NDEL1: variants seen among roughly 807,000 people sequenced by gnomAD.
NDEL1 encodes nuclear distribution protein nudE-like 1.
Under a neutral mutation model 45.7 loss-of-function variants are expected in NDEL1, and 9 were observed. The ratio of observed to expected loss-of-function variants is 0.20; its 90% confidence interval spans 0.12 to 0.34. The LOEUF (loss-of-function observed/expected upper bound fraction) is 0.34, where lower values mean the gene tolerates loss of function less well. Among genes scored for constraint, NDEL1 ranks in the 10% least tolerant of loss-of-function variants. NDEL1 has a pLI of 1.00. For synonymous variants in NDEL1, 133 were observed against 158.6 expected, an observed-to-expected ratio of 0.84 and a Z score of 1.21; for missense variants, 306 against 406.2, an observed-to-expected ratio of 0.75 and a Z score of 2.12.
Position 8,467,362 on chromosome 17 carries a change from C to T in NDEL1, c.*339C>T. The T allele has an allele frequency of 2.1e-6, 1 of 475,312 alleles. No homozygotes were observed. The highest frequency in any genetic ancestry group is 3.7e-6 in the Non-Finnish European group (1 of 271,832). 29.4% of individuals were successfully genotyped at this position (475,312 alleles called of 1,614,324 possible). A position where few individuals can be genotyped will look rare whatever the true frequency, so the allele number is the denominator to read the frequency against. On this transcript the variant is annotated 3_prime_UTR_variant, in exon 9 of 9. Transcript: ENST00000334527. The surrounding 1 kb of genome is among the most constrained non-coding windows in gnomAD (Gnocchi z 6.3). ...GCCCCATAGCCCCCACTCTGCTGTACTGATAGGATTTAGTTGTGTTTTAGG... is the reference window on the plus strand; with the variant it reads ...GCCCCATAGCCCCCACTCTGCTGTATTGATAGGATTTAGTTGTGTTTTAGG...
chr17:8,448,630 T>G lies in NDEL1; in HGVS notation c.470T>G (p.Leu157Arg). 6.2e-7 allele frequency: 1 copy of G among 1,614,204 alleles called. No individual in the cohort carries two copies. The highest frequency in any genetic ancestry group is 8.5e-7 in the Non-Finnish European group (1 of 1,180,018). ...CGAAATGCATTTTTAGAAAGTGAAC[T>G]TGATGAAAAGGAATCTTTGTTGGTC... is the stretch of plus-strand genomic sequence containing the variant. ...IERNAFLESE[L>R]DEKESLLVSV... Residue 157 changes from leucine (L) to arginine (R), a missense_variant, in exon 5 of 9, where the codon CTT becomes CGT. Leu to Arg is a moderately radical substitution (Grantham distance 102). This residue lies in a region of NDEL1 where 19 missense variants were observed against 52.7 expected (regional missense o/e 0.36). Coordinates refer to ENST00000334527, the MANE Select transcript of NDEL1 (RefSeq NM_030808.5).
chr17:8,428,431 C>T (rs1908903444), intron 1 of NDEL1, among the ~76,000 whole-genome samples: 1 of 147,626 alleles, frequency 6.8e-6, no homozygotes, highest in African/African-American at 2.5e-5. Flanking sequence ...GTGGTGTGAC[C>T]TTGGCTCACT....
At position 8,435,900 on chromosome 17, in the gene NDEL1, G is replaced by A. The variant is rs1283884807; in HGVS notation, c.-158G>A. The A allele has an allele frequency of 1.1e-5, 5 of 448,130 alleles. No individual in the cohort carries two copies. Among genetic ancestry groups the A allele is most frequent in the Non-Finnish European group, 1.8e-5 (4 of 223,542 alleles). The allele number at this position is 448,130 out of a possible 1,614,324, so 27.8% of individuals were successfully genotyped here. A position where few individuals can be genotyped will look rare whatever the true frequency, so the allele number is the denominator to read the frequency against. ...CACCCAGGCAGTCCCTGACGTGTCG[G>A]GGAGGAGCCGGGCGCGGAGGTACGC... On this transcript the variant is annotated 5_prime_UTR_variant, in exon 1 of 9. Coordinates refer to ENST00000334527, the MANE Select transcript of NDEL1 (RefSeq NM_030808.5).
intron 1 of NDEL1, among the ~76,000 whole-genome samples, chr17:8,426,848 G>A (rs902954510): frequency 6.6e-6 from 1 of 152,204 alleles, no homozygotes; most frequent in African/African-American, 2.4e-5. Flanking sequence ...AGATAAGGAT[G>A]AGGTCTCTTT....
intron 1 of NDEL1, among the ~76,000 whole-genome samples, chr17:8,428,773 A>G (rs1448962770): frequency 6.6e-6 from 1 of 151,328 alleles, no homozygotes; most frequent in Non-Finnish European, 1.5e-5. Context: ...TCCCAGGTTC[A>G]CACCATTCTC....
intron 3 of NDEL1, among the ~76,000 whole-genome samples, chr17:8,473,537 G>A (rs1911968026): frequency 6.6e-6 from 1 of 152,200 alleles, no homozygotes; most frequent in South Asian, 2.1e-4. Flanking sequence ...GTACACTCTT[G>A]GATAAGATAC....
Position 8,449,995 on chromosome 17 carries a change from G to A in NDEL1, c.527-785G>A, listed in dbSNP as rs574957395. ...AACATTAATTTTGGGTTAAAAACTC[G>A]ACATTGGCTGGGTGTGGCGGCTCAC... On this transcript the variant is annotated intron_variant, in intron 5 of 8. Transcript: ENST00000334527. Among the ~76,000 whole-genome samples, 34 of 152,226 alleles carry A rather than the reference G, an allele frequency of 2.2e-4. No homozygotes were observed. In the Middle Eastern group the frequency reaches 0.014, roughly 61 times the overall value.
At position 8,468,063 on chromosome 17, in the gene NDEL1, C is replaced by T. The variant is rs1597566353; in HGVS notation, c.*1040C>T. 1 of 152,636 alleles carries T rather than the reference C, an allele frequency of 6.6e-6. No individual in the cohort carries two copies. Among genetic ancestry groups the T allele is most frequent in the East Asian group, 1.9e-4 (1 of 5,188 alleles). The allele number at this position is 152,636 out of a possible 1,614,324, so 9.5% of individuals were successfully genotyped here. ...ATGTTAATGACTCTGATGGTGTCCT[C>T]CTCTGGGCAGCTGTATAGGATCATC... On this transcript the variant is annotated 3_prime_UTR_variant, in exon 9 of 9. Coordinates refer to ENST00000334527, the MANE Select transcript of NDEL1 (RefSeq NM_030808.5).
chr17:8,462,572 A>G (rs569018251), intron 8 of NDEL1, among the ~76,000 whole-genome samples: 87 of 152,326 alleles, frequency 5.7e-4, no homozygotes, highest in Admixed American at 2.0e-3. Context: ...TCCCAGGTCC[A>G]TTATACACTC....
At chr17:8,462,072 G>A (rs148129054) in intron 8 of NDEL1, among the ~76,000 whole-genome samples, 16 of 151,982 alleles carry the variant, frequency 1.1e-4, no homozygotes, top group Admixed American at 3.9e-4. Flanking sequence ...CTTAGGGTGA[G>A]CTGAAGCCAG....
chr17:8,448,494 C>T (rs1434909198), intron 4 of NDEL1, 56 bp from the exon 5 acceptor site: 3 of 1,546,908 alleles, frequency 1.9e-6, no homozygotes, highest in Non-Finnish European at 2.6e-6. Context: ...TCCTTTTGTA[C>T]TATCTGTTTG....
chr17:8,416,024 G>A (rs951341810), intron 1 of NDEL1, among the ~76,000 whole-genome samples: 4 of 152,188 alleles, frequency 2.6e-5, no homozygotes, highest in Non-Finnish European at 5.9e-5. Context: ...TGGGATTACA[G>A]GCATGAGCCA....
At chr17:8,428,363 T>TGTGTGTGTGTG (rs769560627) in intron 1 of NDEL1, among the ~76,000 whole-genome samples, 3 of 50,954 alleles carry the variant, frequency 5.9e-5, no homozygotes, top group Non-Finnish European at 9.0e-5. Flanking sequence ...TGTGTGTGTA[T>TGTGTGTGTGTG]TTTTTTTTTT....
intron 1 of NDEL1, among the ~76,000 whole-genome samples, chr17:8,414,856 C>G (rs943832891): frequency 3.9e-5 from 6 of 152,064 alleles, no homozygotes; most frequent in Non-Finnish European, 8.8e-5. Context: ...TGATTCCTCT[C>G]TAACAGACCT....
intron 3 of NDEL1, among the ~76,000 whole-genome samples, chr17:8,446,386 CTGGGAAGGT>C (rs2151717990): frequency 6.6e-6 from 1 of 152,190 alleles, no homozygotes; most frequent in Non-Finnish European, 1.5e-5. Context: ...TGGGTGGGTT[CTGGGAAGGT>C]TGGATGGGCA....
At chr17:8,422,038 A>G (rs576033916) in intron 1 of NDEL1, among the ~76,000 whole-genome samples, 16 of 152,316 alleles carry the variant, frequency 1.1e-4, no homozygotes, top group African/African-American at 3.8e-4. Context: ...GATTTGGCCA[A>G]GGTGAATAAC....
intron 1 of NDEL1, among the ~76,000 whole-genome samples, chr17:8,428,360 G>GTGTGTGTGTGTT (rs1908899464): frequency 3.7e-5 from 1 of 27,276 alleles, no homozygotes. Flanking sequence ...GTGTGTGTGT[G>GTGTGTGTGTGTT]TATTTTTTTT....
intron 8 of NDEL1, among the ~76,000 whole-genome samples, chr17:8,462,169 C>T (rs889392045): frequency 9.9e-5 from 15 of 151,744 alleles, no homozygotes; most frequent in African/African-American, 2.9e-4. Flanking sequence ...GAGCTGAACC[C>T]GGAAATGTGC....
intron 2 of NDEL1, 79 bp from the exon 3 acceptor site, chr17:8,445,632 G>A (rs752710513): frequency 4.8e-6 from 7 of 1,447,376 alleles, no homozygotes; most frequent in East Asian, 5.3e-5. Context: ...AAAAATTATC[G>A]AATTGCTCTA....
Sources: gnomAD v4.1 joint callset for allele counts (sites outside exome capture counted in the v4.1 genomes callset) on GRCh38, gnomAD v4.1.1 for gene constraint, gnomAD v4.1.1 regional missense constraint, Gnocchi (gnomAD v3.1) non-coding constraint, MANE v1.5 for transcripts, NCBI Gene and HGNC (gene_info 2026-07-23, HGNC 2026-07-21) for gene names.